Variants in HECW2 observed in about 807,000 individuals in gnomAD.
The protein encoded by HECW2 is HECT, C2 and WW domain containing E3 ubiquitin protein ligase 2.
Under a neutral mutation model 175.2 loss-of-function variants are expected in HECW2, and 61 were observed. The ratio of observed to expected loss-of-function variants is 0.35; its 90% CI spans 0.28 to 0.43. The LOEUF (loss-of-function observed/expected upper bound fraction) is 0.43, where lower values mean the gene tolerates loss of function less well. Ranked by LOEUF, HECW2 falls within the 20% of genes least tolerant of loss-of-function variation. The probability of loss-of-function intolerance (pLI) is 1.00; values close to 1 mark genes in which losing one functional copy is unlikely to be tolerated. For missense variants in HECW2, 1,524 were observed against 2,000.5 expected (o/e 0.76, Z 4.54); for synonymous variants, 671 against 731.0 (o/e 0.92, Z 1.32).
intron 2 of HECW2, among the ~76,000 whole-genome samples, chr2:196,430,061 A>T (rs1695663734): frequency 6.6e-6 from 1 of 152,194 alleles, no homozygotes; most frequent in Non-Finnish European, 1.5e-5. Flanking sequence ...CAGCTAAGAC[A>T]TCAGAAATGC....
chr2:196,411,468 T>C (rs1385442744), intron 2 of HECW2, among the ~76,000 whole-genome samples: 1 of 152,220 alleles, frequency 6.6e-6, no homozygotes, highest in African/African-American at 2.4e-5. Flanking sequence ...GCAATCCTGT[T>C]TCAATACAAA....
intron 28 of HECW2, among the ~76,000 whole-genome samples, chr2:196,212,864 T>G (rs1687341952): frequency 6.6e-6 from 1 of 152,212 alleles, no homozygotes; most frequent in African/African-American, 2.4e-5. Context: ...TCTGTTATTT[T>G]TTTGTACCAT....
chr2:196,368,818 CTT>C (rs1359467883), intron 2 of HECW2, among the ~76,000 whole-genome samples: 1 of 152,038 alleles, frequency 6.6e-6, no homozygotes, highest in African/African-American at 2.4e-5. Context: ...CTGCTTGACT[CTT>C]TTTAGTTATT....
chr2:196,306,711 C>A, intron 12 of HECW2, 99 bp from the exon 13 acceptor site: 1 of 1,193,494 alleles, frequency 8.4e-7, no homozygotes, highest in Non-Finnish European at 1.1e-6. Context: ...TCATAGGATA[C>A]CTACATCATG....
intron 19 of HECW2, among the ~76,000 whole-genome samples, chr2:196,250,012 C>T (rs6707844): frequency 0.15 from 23,555 of 152,208 alleles, 4,389 homozygotes; most frequent in African/African-American, 0.45. Flanking sequence ...TGAACTCAGC[C>T]ACATTTAGAG....
In HECW2 at chr2:196,199,506, T is replaced by C. The variant is rs1411843799; in HGVS notation, c.*1771A>G. 1 of 152,540 alleles carries C rather than the reference T, an allele frequency of 6.6e-6. No homozygotes were observed. Among genetic ancestry groups the C allele is most frequent in the East Asian group, 1.9e-4 (1 of 5,198 alleles). 9.4% of individuals were successfully genotyped at this position (152,540 alleles called of 1,614,324 possible). On this transcript the variant is annotated 3_prime_UTR_variant, in exon 29 of 29. Transcript: ENST00000644978. Reference sequence around the variant, plus strand: ...CATAGCTTAACTCACAGGAGAGCAATCAGTTCTTACAAAACACCTATGAAA... The same window carrying C: ...CATAGCTTAACTCACAGGAGAGCAACCAGTTCTTACAAAACACCTATGAAA...
At chr2:196,270,709 A>AT (rs11306668) in intron 17 of HECW2, among the ~76,000 whole-genome samples, 64 of 150,186 alleles carry the variant, frequency 4.3e-4, no homozygotes, top group African/African-American at 1.5e-3. Flanking sequence ...ACCTTTATTT[A>AT]TTTTTTTTTT....
At chr2:196,414,389 A>G (rs1695197003) in intron 2 of HECW2, among the ~76,000 whole-genome samples, 1 of 152,136 alleles carries the variant, frequency 6.6e-6, no homozygotes, top group Admixed American at 6.6e-5. Context: ...AGCCAAACAA[A>G]TCTCAGTATG....
chr2:196,280,216 G>A (rs916407264), intron 14 of HECW2, among the ~76,000 whole-genome samples: 2 of 152,136 alleles, frequency 1.3e-5, no homozygotes, highest in Non-Finnish European at 2.9e-5. Context: ...AAGTATCAAG[G>A]CACATGATGT....
chr2:196,280,907 A>ACAAT (rs1490715022), intron 14 of HECW2, among the ~76,000 whole-genome samples: 7 of 152,240 alleles, frequency 4.6e-5, no homozygotes, highest in Non-Finnish European at 7.3e-5. Context: ...GTAAATGGAG[A>ACAAT]GTAACAAGCT....
In HECW2 at chr2:196,257,805, T is replaced by C. The variant is rs1374620659; in HGVS notation, c.3419+18A>G. On this transcript the variant is annotated intron_variant, in intron 18 of 28. Coordinates refer to ENST00000644978, the MANE Select transcript of HECW2 (RefSeq NM_001348768.2). Reference sequence around the variant, plus strand: ...GACAAGAGACCTTCTGCTTCAAGAGTGAGTGTTACGTATGTACCTCAGCAA... The same window carrying C: ...GACAAGAGACCTTCTGCTTCAAGAGCGAGTGTTACGTATGTACCTCAGCAA... 1.3e-6 allele frequency: 2 copies of C among 1,569,092 alleles called. No homozygotes were observed. The highest frequency in any genetic ancestry group is 1.8e-6 in the Non-Finnish European group (2 of 1,140,368).
intron 16 of HECW2, among the ~76,000 whole-genome samples, chr2:196,273,567 C>A (rs1484513143): frequency 6.6e-6 from 1 of 152,100 alleles, no homozygotes; most frequent in Non-Finnish European, 1.5e-5. Context: ...GTTCTTGCTG[C>A]CTTCTATTTG....
At chr2:196,242,450 G>C (rs577503128) in intron 19 of HECW2, 1 of 470,156 alleles carries the variant, frequency 2.1e-6, no homozygotes, top group Admixed American at 3.7e-5. Flanking sequence ...TGGTGCCCAT[G>C]TGTTTCTCAA....
intron 1 of HECW2, among the ~76,000 whole-genome samples, chr2:196,513,231 T>C (rs1688018200): frequency 6.6e-6 from 1 of 152,214 alleles, no homozygotes; most frequent in Non-Finnish European, 1.5e-5. Context: ...AGTAATTTCA[T>C]CTTTCACAAG....
chr2:196,240,528 C>A lies in HECW2; in HGVS notation c.3685G>T (p.Ala1229Ser). ...GAGTAGCCCATAATCTGATTAAAAG[C>A]ATCTTCTAGTAAGTGATCTCTTCGG... ...IIRRDHLLEDAFNQIMGYSRK... is the reference protein window; with the variant it reads ...IIRRDHLLEDSFNQIMGYSRK... Residue 1229 changes from alanine (A) to serine (S), a missense_variant, in exon 21 of 29, where the codon GCT (alanine) becomes TCT (serine). This residue lies in a region of HECW2 where 291 missense variants were observed against 412.2 expected (regional missense o/e 0.71). Coordinates refer to ENST00000644978, the MANE Select transcript of HECW2 (RefSeq NM_001348768.2). 6.2e-7 allele frequency: 1 copy of A among 1,611,060 alleles called. No homozygotes were observed. Among genetic ancestry groups the A allele is most frequent in the Non-Finnish European group, 8.5e-7 (1 of 1,179,084 alleles).
At chr2:196,211,882 G>A (rs904172370) in intron 28 of HECW2, among the ~76,000 whole-genome samples, 1 of 151,948 alleles carries the variant, frequency 6.6e-6, no homozygotes, top group African/African-American at 2.4e-5. Context: ...TTGCTCTGTC[G>A]CCCAGGCTGG....
intron 7 of HECW2, 42 bp from the exon 8 acceptor site, chr2:196,320,481 A>G: frequency 7.3e-7 from 1 of 1,362,768 alleles, no homozygotes; most frequent in Non-Finnish European, 1.0e-6. Context: ...ACTACGCTGG[A>G]GTCAGCCTTC....
At chr2:196,242,506 T>C (rs1688495074) in intron 19 of HECW2, 1 of 339,024 alleles carries the variant, frequency 2.9e-6, no homozygotes, top group Non-Finnish European at 5.6e-6. Context: ...CAAACAGAGT[T>C]ACTCATGTCT....
intron 28 of HECW2, among the ~76,000 whole-genome samples, chr2:196,204,216 A>G (rs1489814524): frequency 1.3e-5 from 2 of 152,154 alleles, no homozygotes; most frequent in Admixed American, 1.3e-4. Flanking sequence ...TTTGGGGGAT[A>G]TACACAGAAG....
Sources: gnomAD v4.1 joint callset for allele counts (sites outside exome capture counted in the v4.1 genomes callset) on GRCh38, gnomAD v4.1.1 for gene constraint, gnomAD v4.1.1 regional missense constraint, MANE v1.5 for transcripts, NCBI Gene and HGNC (gene_info 2026-07-23, HGNC 2026-07-21) for gene names.